PDE1C: variants seen among roughly 807,000 people sequenced by gnomAD.
PDE1C encodes the protein phosphodiesterase 1C, also known as dual specificity calcium/calmodulin-dependent 3',5'-cyclic nucleotide phosphodiesterase 1C.
A neutral mutation model predicts 93.1 loss-of-function variants in PDE1C; 62 were observed. The ratio of observed to expected loss-of-function variants is 0.67; its 90% CI spans 0.54 to 0.82. The LOEUF is 0.82. Ranked by LOEUF, PDE1C falls within the 40% of genes least tolerant of loss-of-function variation. The pLI, the probability that PDE1C is intolerant of heterozygous loss-of-function variation, is 0.00. For missense variants in PDE1C, 742 were observed against 884.6 expected, an observed-to-expected ratio of 0.84 and a Z score of 2.04; for synonymous variants, 325 against 310.1, an observed-to-expected ratio of 1.05 and a Z score of -0.50.
chr7:31,828,150 T>C (rs1789926601), intron 12 of PDE1C, 142 bp downstream of exon 12: 1 of 556,742 alleles, frequency 1.8e-6, no homozygotes, highest in South Asian at 2.8e-5. Flanking sequence ...AGTGGTTCCA[T>C]AAATTGAATC....
chr7:31,654,411 C>G, the PDE1C span, among the ~76,000 whole-genome samples: 1 of 152,182 alleles, frequency 6.6e-6, no homozygotes. Context: ...GTCTTTGCAT[C>G]TGAATCCTTT....
intron 1 of PDE1C, among the ~76,000 whole-genome samples, chr7:32,388,152 A>G (rs543363735): frequency 1.3e-5 from 2 of 152,376 alleles, no homozygotes; most frequent in Admixed American, 6.5e-5. Context: ...ATTTTCAGCA[A>G]TATGACAGAT....
chr7:32,188,288 T>A (rs2128818796), intron 2 of PDE1C, among the ~76,000 whole-genome samples: 1 of 152,214 alleles, frequency 6.6e-6, no homozygotes, highest in East Asian at 1.9e-4. Context: ...ACCCAGGTCT[T>A]ACTTTCTTCT....
At chr7:32,411,742 T>G (rs1024904883) in intron 1 of PDE1C, among the ~76,000 whole-genome samples, 1 of 152,186 alleles carries the variant, frequency 6.6e-6, no homozygotes, top group Non-Finnish European at 1.5e-5. Context: ...ACATTTTTAC[T>G]TTATAGACTT....
At chr7:32,062,250 C>G (rs759747254) in intron 1 of PDE1C, among the ~76,000 whole-genome samples, 1 of 152,184 alleles carries the variant, frequency 6.6e-6, no homozygotes, top group Non-Finnish European at 1.5e-5. Flanking sequence ...CTTCCTCATC[C>G]CCCATATCCA....
At chr7:32,071,944 C>G (rs1796088031), upstream of PDE1C, among the ~76,000 whole-genome samples, 2 of 152,086 alleles carry the variant, frequency 1.3e-5, no homozygotes, top group South Asian at 2.1e-4. Flanking sequence ...CAGTATTTTT[C>G]CTCAATGACA....
intron 3 of PDE1C, among the ~76,000 whole-genome samples, chr7:32,146,106 A>T (rs1034959863): frequency 5.3e-5 from 8 of 152,178 alleles, no homozygotes; most frequent in Non-Finnish European, 1.0e-4. Flanking sequence ...CGTGTGGCTC[A>T]GTTTCAAGGA....
chr7:32,188,205 A>G (rs1463637978), intron 2 of PDE1C, among the ~76,000 whole-genome samples: 1 of 59,000 alleles, frequency 1.7e-5, no homozygotes. Flanking sequence ...TTGCTAGTAT[A>G]TATGAAATTG....
chr7:32,007,586 G>C (rs1301100640), intron 2 of PDE1C, among the ~76,000 whole-genome samples: 1 of 152,190 alleles, frequency 6.6e-6, no homozygotes, highest in Non-Finnish European at 1.5e-5. Flanking sequence ...AGCCACTTCA[G>C]GTCTTTGCCT....
chr7:31,859,143 GAC>G (rs1794376482), intron 7 of PDE1C, among the ~76,000 whole-genome samples: 1 of 148,606 alleles, frequency 6.7e-6, no homozygotes, highest in Non-Finnish European at 1.5e-5. Flanking sequence ...TATATATATA[GAC>G]TATATGTATA....
chr7:32,080,595 T>C (rs1368897897), intron 3 of PDE1C, among the ~76,000 whole-genome samples: 1 of 152,170 alleles, frequency 6.6e-6, no homozygotes, highest in Non-Finnish European at 1.5e-5. Flanking sequence ...TGGCGGAGAA[T>C]TACTGTTCCT....
At chr7:32,318,448 C>A (rs1457278501) in intron 1 of PDE1C, among the ~76,000 whole-genome samples, 2 of 152,158 alleles carry the variant, frequency 1.3e-5, no homozygotes, top group African/African-American at 4.8e-5. Flanking sequence ...AGCGGCTCTC[C>A]CTCCGCCGCG....
At chr7:32,100,029 A>G (rs573342971) in intron 3 of PDE1C, among the ~76,000 whole-genome samples, 1 of 152,202 alleles carries the variant, frequency 6.6e-6, no homozygotes, top group African/African-American at 2.4e-5. Flanking sequence ...CACATTGAAA[A>G]AAAGCATTTT....
intron 5 of PDE1C, among the ~76,000 whole-genome samples, chr7:31,874,802 C>T (rs937875570): frequency 6.6e-6 from 1 of 152,228 alleles, no homozygotes; most frequent in Non-Finnish European, 1.5e-5. Flanking sequence ...ATTTTCTGTG[C>T]TAGGCACAGT....
At chr7:32,005,830 C>T (rs1171288174) in intron 2 of PDE1C, among the ~76,000 whole-genome samples, 1 of 152,050 alleles carries the variant, frequency 6.6e-6, no homozygotes, top group African/African-American at 2.4e-5. Context: ...TGGATGTGCG[C>T]ATTTTAAACA....
At chr7:31,665,710 T>TTCTA in the PDE1C span, among the ~76,000 whole-genome samples, 1 of 152,204 alleles carries the variant, frequency 6.6e-6, no homozygotes, top group African/African-American at 2.4e-5. Flanking sequence ...GTCATACTTC[T>TTCTA]TCTACCCTTT....
At chr7:32,185,358 T>C (rs1325517560) in intron 2 of PDE1C, among the ~76,000 whole-genome samples, 1 of 152,114 alleles carries the variant, frequency 6.6e-6, no homozygotes, top group African/African-American at 2.4e-5. Context: ...AGATTTGCAG[T>C]GCCAGTAATT....
chr7:31,819,984 A>G (rs1349801495), intron 14 of PDE1C, among the ~76,000 whole-genome samples: 1 of 152,132 alleles, frequency 6.6e-6, no homozygotes, highest in African/African-American at 2.4e-5. Flanking sequence ...AAGAACATAG[A>G]AGGTGTTCCC....
intron 15 of PDE1C, among the ~76,000 whole-genome samples, chr7:31,813,748 T>C (rs1787854529): frequency 6.6e-6 from 1 of 152,258 alleles, no homozygotes; most frequent in Admixed American, 6.5e-5. Context: ...GATTTTGGTA[T>C]AGCCATCACC....
Sources: gnomAD v4.1 joint callset for allele counts (sites outside exome capture counted in the v4.1 genomes callset) on GRCh38, gnomAD v4.1.1 for gene constraint, MANE v1.5 for transcripts, NCBI Gene and HGNC (gene_info 2026-07-23, HGNC 2026-07-21) for gene names.